Variants in NOS1AP observed in about 807,000 individuals in gnomAD.
NOS1AP encodes the protein nitric oxide synthase 1 adaptor protein.
In NOS1AP, 21 loss-of-function variants were observed where a neutral mutation model predicts 56.2. The ratio of observed to expected loss-of-function variants is 0.37; its 90% CI spans 0.26 to 0.54. The LOEUF (loss-of-function observed/expected upper bound fraction) is 0.54, where lower values mean the gene tolerates loss of function less well. NOS1AP is among the 20% of genes least tolerant of loss of function. The pLI is 0.84. For synonymous variants in NOS1AP, 270 were observed against 274.6 expected, an observed-to-expected ratio of 0.98 and a Z score of 0.17; for missense variants, 522 against 657.8, an observed-to-expected ratio of 0.79 and a Z score of 2.26.
chr1:162,226,403 A>G (rs938546498), intron 2 of NOS1AP, among the ~76,000 whole-genome samples: 3 of 152,196 alleles, frequency 2.0e-5, no homozygotes, highest in African/African-American at 7.2e-5. Flanking sequence ...TAAATACTAA[A>G]CCTAACATCT....
At chr1:162,252,428 T>G (rs1413602647) in intron 2 of NOS1AP, among the ~76,000 whole-genome samples, 1 of 152,138 alleles carries the variant, frequency 6.6e-6, no homozygotes, top group Non-Finnish European at 1.5e-5. Flanking sequence ...GCATGCACAG[T>G]TATCTCTGCA....
intron 3 of NOS1AP, among the ~76,000 whole-genome samples, chr1:162,299,489 A>G (rs566880618): frequency 1.3e-5 from 2 of 152,334 alleles, no homozygotes; most frequent in African/African-American, 4.8e-5. Context: ...TGCTCTGTTT[A>G]TGTATTTGAA....
At chr1:162,273,632 A>T (rs79401308) in intron 2 of NOS1AP, among the ~76,000 whole-genome samples, 2,181 of 152,234 alleles carry the variant, frequency 0.014, 49 homozygotes, top group African/African-American at 0.049. Context: ...AGCATCTCCT[A>T]TCCTGACACT....
intron 1 of NOS1AP, among the ~76,000 whole-genome samples, chr1:162,080,880 C>A (rs144846894): frequency 0.011 from 1,680 of 152,276 alleles, 19 homozygotes; most frequent in South Asian, 0.02. Flanking sequence ...TAATTTAATT[C>A]TCCCAACAAC....
intron 3 of NOS1AP, among the ~76,000 whole-genome samples, chr1:162,294,397 A>T (rs993231078): frequency 6.6e-6 from 1 of 152,114 alleles, no homozygotes; most frequent in African/African-American, 2.4e-5. Context: ...TGGCTGGAGC[A>T]GTCTGTGGAA....
intron 2 of NOS1AP, among the ~76,000 whole-genome samples, chr1:162,256,473 C>A (rs1249085296): frequency 6.6e-6 from 1 of 152,232 alleles, no homozygotes; most frequent in African/African-American, 2.4e-5. Flanking sequence ...ATTGTGGACA[C>A]TGTTTAATTT....
intron 2 of NOS1AP, among the ~76,000 whole-genome samples, chr1:162,228,759 A>G (rs1412434640): frequency 6.6e-6 from 1 of 152,176 alleles, no homozygotes; most frequent in East Asian, 1.9e-4. Flanking sequence ...CATCGTTCAG[A>G]CCCTCAAATT....
At chr1:162,282,670 C>T (rs751257860) in intron 2 of NOS1AP, among the ~76,000 whole-genome samples, 21 of 152,152 alleles carry the variant, frequency 1.4e-4, no homozygotes, top group Admixed American at 9.8e-4. Flanking sequence ...CTCCTGAAAC[C>T]GAGACTATAG....
chr1:162,200,832 C>T (rs538164236), intron 2 of NOS1AP, among the ~76,000 whole-genome samples: 1 of 152,212 alleles, frequency 6.6e-6, no homozygotes, highest in Non-Finnish European at 1.5e-5. Context: ...GTATCTAGAA[C>T]AAGGACGTGC....
At chr1:162,148,585 G>A (rs370756925) in intron 1 of NOS1AP, among the ~76,000 whole-genome samples, 1 of 152,230 alleles carries the variant, frequency 6.6e-6, no homozygotes, top group East Asian at 1.9e-4. Context: ...AGGAACTTCT[G>A]AATAATTGGC....
chr1:162,332,757 G>A (rs937550319), intron 4 of NOS1AP, among the ~76,000 whole-genome samples: 2 of 152,188 alleles, frequency 1.3e-5, no homozygotes, highest in African/African-American at 4.8e-5. Flanking sequence ...GCCACCTCAG[G>A]AGATGGTTAA....
Position 162,367,271 on chromosome 1 carries a change from C to G in NOS1AP, c.1325C>G (p.Pro442Arg), listed in dbSNP as rs764772746. 2 of 1,613,666 alleles carry G rather than the reference C, an allele frequency of 1.2e-6. No individual in the cohort carries two copies. Among genetic ancestry groups the G allele is most frequent in the South Asian group, 1.1e-5 (1 of 91,084 alleles). Residue 442 changes from proline to arginine, a missense_variant, in exon 10 of 10, where the codon CCA (proline) becomes CGA (arginine). Physicochemically the swap from Pro to Arg is moderately radical, Grantham distance 103. This residue lies in a region of NOS1AP where 160 missense variants were observed against 180.3 expected (regional missense o/e 0.89). Coordinates refer to ENST00000361897, the MANE Select transcript of NOS1AP (RefSeq NM_014697.3). This position sits in a 1 kb window ranked among gnomAD's most constrained non-coding sequence, Gnocchi z 6.5. ...RFLPPEDTPP[P>R]AQGEALLGGL... is the part of the protein sequence containing the mutation. ...CTTCCGCCCGAGGACACCCCGCCCC[C>G]AGCGCAGGGCGAGGCGCTCCTGGGC...
chr1:162,081,774 A>ATATATATATATATTT, intron 1 of NOS1AP, among the ~76,000 whole-genome samples: 3 of 44,052 alleles, frequency 6.8e-5, no homozygotes, highest in African/African-American at 1.5e-4. Context: ...ATATATATAT[A>ATATATATATATATTT]TTTTTTTTTT....
intron 7 of NOS1AP, 26 bp from the exon 8 acceptor site, chr1:162,356,934 T>C (rs1657723245): frequency 6.2e-7 from 1 of 1,613,920 alleles, no homozygotes; most frequent in Non-Finnish European, 8.5e-7. Context: ...CCACATGTCA[T>C]GTCCTGTCTT....
chr1:162,259,868 A>G (rs1206801287), intron 2 of NOS1AP, among the ~76,000 whole-genome samples: 1 of 152,172 alleles, frequency 6.6e-6, no homozygotes, highest in African/African-American at 2.4e-5. Context: ...TTTATTCCCC[A>G]TGTATTTGTA....
chr1:162,251,857 G>GTTT (rs771192069), intron 2 of NOS1AP, among the ~76,000 whole-genome samples: 52 of 100,444 alleles, frequency 5.2e-4, no homozygotes, highest in African/African-American at 8.5e-4. Context: ...CTAGCTAGTT[G>GTTT]TTTTTTTTTT....
At chr1:162,240,246 T>TGTGTGTGTGTGC (rs931024703) in intron 2 of NOS1AP, among the ~76,000 whole-genome samples, 11 of 130,610 alleles carry the variant, frequency 8.4e-5, no homozygotes, top group African/African-American at 2.9e-4. Flanking sequence ...GTGTGGCCAG[T>TGTGTGTGTGTGC]GTGTGTGTGT....
chr1:162,318,067 C>T (rs917387972), intron 4 of NOS1AP, among the ~76,000 whole-genome samples: 1 of 152,144 alleles, frequency 6.6e-6, no homozygotes, highest in Non-Finnish European at 1.5e-5. Flanking sequence ...GGTGCTGTCT[C>T]GGACCCCAGG....
chr1:162,201,150 CAT>C (rs1651978350), intron 2 of NOS1AP, among the ~76,000 whole-genome samples: 1 of 152,128 alleles, frequency 6.6e-6, no homozygotes, highest in Non-Finnish European at 1.5e-5. Context: ...TAAGTGAGAA[CAT>C]GTGATATTTG....
Sources: allele counts gnomAD v4.1 joint callset (sites outside exome capture counted in the v4.1 genomes callset), GRCh38; gene constraint gnomAD v4.1.1; regional missense constraint gnomAD v4.1.1; non-coding constraint Gnocchi (gnomAD v3.1); transcripts MANE v1.5; gene names NCBI Gene and HGNC (gene_info 2026-07-23, HGNC 2026-07-21).